Variants in ANP32A observed in about 807,000 individuals in gnomAD.
ANP32A encodes acidic nuclear phosphoprotein 32 family member A.
A neutral mutation model predicts 33.9 loss-of-function variants in ANP32A; 1 was observed. The ratio of observed to expected loss-of-function variants is 0.03; its 90% CI spans 0.01 to 0.14. The LOEUF (loss-of-function observed/expected upper bound fraction) is 0.14. ANP32A is among the 10% of genes least tolerant of loss of function. The pLI, the probability that ANP32A is intolerant of heterozygous loss-of-function variation, is 1.00. For missense variants in ANP32A, 155 were observed against 306.0 expected (o/e 0.51, Z 3.68); for synonymous variants, 115 against 120.5 (o/e 0.95, Z 0.30).
chr15:68,794,268 G>A (rs2924636), intron 1 of ANP32A, among the ~76,000 whole-genome samples: 11,614 of 152,164 alleles, frequency 0.076, 1,353 homozygotes, highest in African/African-American at 0.25. Flanking sequence ...CTGTCTGTAC[G>A]GCTTCCTTAT....
At chr15:68,799,312 G>A (rs1369968930) in intron 1 of ANP32A, among the ~76,000 whole-genome samples, 1 of 152,174 alleles carries the variant, frequency 6.6e-6, no homozygotes, top group African/African-American at 2.4e-5. Flanking sequence ...GACACGATGA[G>A]GGAAGAAAGG....
chr15:68,782,569 T>G (rs562513689), intron 5 of ANP32A, among the ~76,000 whole-genome samples: 1 of 152,298 alleles, frequency 6.6e-6, no homozygotes, highest in African/African-American at 2.4e-5. Context: ...TACCTATCAG[T>G]TCAAGGCAGA....
Position 68,780,571 on chromosome 15 carries a change from G to A in ANP32A, c.625-98C>T, listed in dbSNP as rs757561321. On this transcript the variant is annotated intron_variant, in intron 5 of 6. Transcript: ENST00000465139. This position sits in a 1 kb window ranked among gnomAD's most constrained non-coding sequence, Gnocchi z 4.3. ...CACAAAAAGGCCGGGGTCACCCCCA[G>A]CCTCTCAGAGCCCCCACCAAGACTT... is the stretch of plus-strand genomic sequence containing the variant. 9.1e-6 allele frequency: 14 copies of A among 1,533,400 alleles called. No individual in the cohort carries two copies. The highest frequency in any genetic ancestry group is 1.2e-5 in the Non-Finnish European group (14 of 1,145,234). 95.0% of individuals were successfully genotyped at this position (1,533,400 alleles called of 1,614,324 possible).
At chr15:68,817,164 G>A (rs529363995) in intron 1 of ANP32A, among the ~76,000 whole-genome samples, 8 of 152,336 alleles carry the variant, frequency 5.3e-5, no homozygotes, top group African/African-American at 1.9e-4. Flanking sequence ...CCGACGCGAC[G>A]AATTGCCTGG....
chr15:68,796,407 G>T lies in ANP32A; in HGVS notation c.55-8488C>A, dbSNP rs1894064628. 3.3e-5 allele frequency among the ~76,000 whole-genome samples: 5 copies of T among 152,246 alleles called. No homozygotes were observed. In the South Asian group the frequency reaches 1.0e-3, roughly 32 times the overall value. On this transcript the variant is annotated intron_variant, in intron 1 of 6. Coordinates refer to ENST00000465139, the MANE Select transcript of ANP32A (RefSeq NM_006305.4). ...ATTTTGTATGTTCAGTAGAGACGGG[G>T]TTTCACCATGTTGGCCAGGCTGGTC...
chr15:68,795,389 C>T (rs1439083692), intron 1 of ANP32A, among the ~76,000 whole-genome samples: 2 of 152,150 alleles, frequency 1.3e-5, no homozygotes, highest in African/African-American at 2.4e-5. Flanking sequence ...AAGTCGGTGA[C>T]GCCATCCTTA....
At chr15:68,786,450 G>A (rs1204458033) in intron 3 of ANP32A, among the ~76,000 whole-genome samples, 1 of 151,918 alleles carries the variant, frequency 6.6e-6, no homozygotes, top group African/African-American at 2.4e-5. Flanking sequence ...AGTACAGATG[G>A]GGTGTCACCA....
intron 1 of ANP32A, among the ~76,000 whole-genome samples, chr15:68,819,862 C>T (rs1457489032): frequency 6.6e-6 from 1 of 152,152 alleles, no homozygotes; most frequent in Non-Finnish European, 1.5e-5. Flanking sequence ...TCTAATTTAT[C>T]CTCCCTTCGG....
chr15:68,810,022 C>A (rs545321391), intron 1 of ANP32A, among the ~76,000 whole-genome samples: 5 of 152,292 alleles, frequency 3.3e-5, no homozygotes, highest in African/African-American at 1.2e-4. Context: ...AGAACTAGAT[C>A]TAAACCTGAC....
chr15:68,806,834 C>T (rs142548350), intron 1 of ANP32A, among the ~76,000 whole-genome samples: 18 of 152,342 alleles, frequency 1.2e-4, no homozygotes, highest in Middle Eastern at 6.8e-3. Flanking sequence ...CAGTTTCTGA[C>T]CCTCCATATG....
intron 1 of ANP32A, among the ~76,000 whole-genome samples, chr15:68,803,063 T>TA (rs1443416317): frequency 6.6e-6 from 1 of 152,122 alleles, no homozygotes; most frequent in Non-Finnish European, 1.5e-5. Context: ...GGTACAATGA[T>TA]AAAGGTGTCT....
At position 68,782,926 on chromosome 15, in the gene ANP32A, C is replaced by T. The variant is rs377298659; in HGVS notation, c.624+30G>A. The stretch of plus-strand genomic sequence containing the variant: ...AGTGGGACTGCCTCAAAGGGGCAGA[C>T]GGTGGCCCTGCCCAGCCCAGCCTCC... On this transcript the variant is annotated intron_variant, in intron 5 of 6. Transcript: ENST00000465139. The T allele has an allele frequency of 5.9e-5, 92 of 1,550,478 alleles. 1 individual carries two copies. In the African/African-American group the frequency reaches 6.3e-4, roughly 11 times the overall value.
chr15:68,808,956 C>T (rs1894276538), intron 1 of ANP32A, among the ~76,000 whole-genome samples: 3 of 152,226 alleles, frequency 2.0e-5, no homozygotes, highest in African/African-American at 7.2e-5. Context: ...CCAGCCCACA[C>T]ATCCTGCCTC....
At chr15:68,793,970 G>A (rs969935872) in intron 1 of ANP32A, among the ~76,000 whole-genome samples, 3 of 152,172 alleles carry the variant, frequency 2.0e-5, no homozygotes, top group Admixed American at 1.3e-4. Flanking sequence ...TACTTCCTGA[G>A]GCAACAAGGA....
chr15:68,818,545 G>T (rs1213386565), intron 1 of ANP32A, among the ~76,000 whole-genome samples: 1 of 152,032 alleles, frequency 6.6e-6, no homozygotes, highest in African/African-American at 2.4e-5. Flanking sequence ...AGGCGTGTGG[G>T]CCGCGAGGCT....
At chr15:68,814,191 T>C (rs1045665923) in intron 1 of ANP32A, among the ~76,000 whole-genome samples, 5 of 152,034 alleles carry the variant, frequency 3.3e-5, no homozygotes, top group Non-Finnish European at 5.9e-5. Context: ...TTTATTTCAA[T>C]GTGATGTAAT....
In ANP32A at chr15:68,800,439, GAA is replaced by G. The variant is rs34889703; in HGVS notation, c.55-12522_55-12521del. On this transcript the variant is annotated intron_variant, in intron 1 of 6. Coordinates refer to ENST00000465139, the MANE Select transcript of ANP32A (RefSeq NM_006305.4). The stretch of plus-strand genomic sequence containing the variant: ...ATATAATGTGTATGAATGCTGCAAA[GAA>G]AAAAAAAAAAGGACAGAAAGGCACC... Among the ~76,000 whole-genome samples the G allele has an allele frequency of 2.2e-4, 32 of 143,926 alleles. No individual in the cohort carries two copies. The South Asian group carries it at 2.9e-3, about 13-fold the overall frequency. 94.4% of individuals were successfully genotyped at this position (143,926 alleles called of 152,430 possible).
chr15:68,787,544 G>T lies in ANP32A; in HGVS notation c.205-9C>A. The T allele has an allele frequency of 6.2e-7, 1 of 1,614,064 alleles. No individual in the cohort carries two copies. Among genetic ancestry groups the T allele is most frequent in the Non-Finnish European group, 8.5e-7 (1 of 1,180,016 alleles). ...TTATCGCTTAGTTCAAGCTAAATAA[G>T]GCAGGGAAAGAAAAAGCAGAAACAG... On this transcript the variant is annotated splice_polypyrimidine_tract_variant and intron_variant, in intron 2 of 6. Coordinates refer to ENST00000465139, the MANE Select transcript of ANP32A (RefSeq NM_006305.4).
intron 1 of ANP32A, among the ~76,000 whole-genome samples, chr15:68,819,608 G>A (rs1187821452): frequency 6.6e-6 from 1 of 152,230 alleles, no homozygotes; most frequent in Non-Finnish European, 1.5e-5. Context: ...AAAGTTTCCC[G>A]TGCCCATTTA....
Sources: allele counts gnomAD v4.1 joint callset (sites outside exome capture counted in the v4.1 genomes callset), GRCh38; gene constraint gnomAD v4.1.1; non-coding constraint Gnocchi (gnomAD v3.1); transcripts MANE v1.5; gene names NCBI Gene and HGNC (gene_info 2026-07-23, HGNC 2026-07-21).